MINDY2: variants seen among roughly 807,000 people sequenced by gnomAD.
MINDY2 encodes MINDY lysine 48 deubiquitinase 2, also known as ubiquitin carboxyl-terminal hydrolase MINDY-2.
A neutral mutation model predicts 68.2 loss-of-function variants in MINDY2; 52 were observed. The observed-to-expected ratio is 0.76, with a 90% CI of 0.61 to 0.96. MINDY2 has a LOEUF of 0.96. Among genes scored for constraint, MINDY2 ranks in the 40% least tolerant of loss-of-function variants. The pLI, the probability that MINDY2 is intolerant of heterozygous loss-of-function variation, is 0.00. For synonymous variants in MINDY2, 372 were observed against 303.0 expected, an observed-to-expected ratio of 1.23 and a Z score of -2.36; for missense variants, 881 against 773.4, an observed-to-expected ratio of 1.14 and a Z score of -1.65.
At chr15:58,815,122 T>C (rs937574180) in intron 4 of MINDY2, 14 of 152,178 alleles carry the variant, frequency 9.2e-5, no homozygotes, top group Non-Finnish European at 1.8e-4. Context: ...AATTTTTGTA[T>C]GTGGTTCGAG....
intron 4 of MINDY2, among the ~76,000 whole-genome samples, chr15:58,820,035 G>A (rs1186425121): frequency 6.6e-6 from 1 of 152,132 alleles, no homozygotes; most frequent in East Asian, 1.9e-4. Flanking sequence ...GGAGACTGAG[G>A]CAGGCAGAGT....
intron 6 of MINDY2, among the ~76,000 whole-genome samples, chr15:58,844,777 CGTG>C (rs1461822225): frequency 6.7e-6 from 1 of 149,828 alleles, no homozygotes; most frequent in Non-Finnish European, 1.5e-5. Flanking sequence ...ATTAGCCAGG[CGTG>C]GTGGTGTGCT....
intron 4 of MINDY2, among the ~76,000 whole-genome samples, chr15:58,812,509 T>C (rs1442468083): frequency 6.6e-6 from 1 of 151,720 alleles, no homozygotes; most frequent in African/African-American, 2.4e-5. Context: ...ATGGGAAAAT[T>C]TAGTAATTTT....
chr15:58,831,035 G>GTATATA (rs1230717668), intron 5 of MINDY2, among the ~76,000 whole-genome samples: 11 of 99,046 alleles, frequency 1.1e-4, no homozygotes, highest in African/African-American at 3.5e-4. Flanking sequence ...GTGTGTGTGT[G>GTATATA]TGTGTGTATA....
chr15:58,786,166 C>T (rs74021005), intron 1 of MINDY2, among the ~76,000 whole-genome samples: 3,995 of 152,184 alleles, frequency 0.026, 185 homozygotes, highest in African/African-American at 0.089. Flanking sequence ...ACTTATTTTA[C>T]TTGTTGATTA....
Position 58,837,968 on chromosome 15 carries a change from C to CAAA in MINDY2, c.1368+6072_1368+6074dup, listed in dbSNP as rs34909401. Among the ~76,000 whole-genome samples, 553 of 75,100 alleles carry CAAA rather than the reference C, an allele frequency of 7.4e-3. 2 individuals carry two copies. Among genetic ancestry groups the CAAA allele is most frequent in the African/African-American group, 0.011 (236 of 21,814 alleles). 49.3% of individuals were successfully genotyped at this position (75,100 alleles called of 152,430 possible). A position where few individuals can be genotyped will look rare whatever the true frequency, so the allele number is the denominator to read the frequency against. ...TGGATGACAGAGTAAGACCTTCTTT[C>CAAA]AAAAAAAAAAAAAAAAAAAAAAGGA... On this transcript the variant is annotated intron_variant, in intron 6 of 8. Transcript: ENST00000559228.
chr15:58,840,049 G>A (rs1038822984), intron 6 of MINDY2, among the ~76,000 whole-genome samples: 3 of 152,086 alleles, frequency 2.0e-5, no homozygotes, highest in Non-Finnish European at 4.4e-5. Flanking sequence ...GCCCAGCCTA[G>A]TCTCGAACTC....
chr15:58,843,288 T>A (rs1304723614), intron 6 of MINDY2, among the ~76,000 whole-genome samples: 5 of 152,064 alleles, frequency 3.3e-5, no homozygotes, highest in African/African-American at 1.2e-4. Flanking sequence ...TAGCTGAGAC[T>A]ACAGGCATGT....
At chr15:58,792,210 T>C (rs1334321179) in intron 2 of MINDY2, among the ~76,000 whole-genome samples, 17 of 152,256 alleles carry the variant, frequency 1.1e-4, no homozygotes, top group Non-Finnish European at 8.8e-5. Flanking sequence ...GAAAGCAGTT[T>C]GGCAATTCTT....
intron 1 of MINDY2, among the ~76,000 whole-genome samples, chr15:58,776,201 A>G (rs912372175): frequency 6.6e-6 from 1 of 152,162 alleles, no homozygotes. Flanking sequence ...ATGAGACTAA[A>G]TGAATTCTCC....
At chr15:58,808,001 C>T (rs1192666129) in intron 3 of MINDY2, among the ~76,000 whole-genome samples, 1 of 151,886 alleles carries the variant, frequency 6.6e-6, no homozygotes, top group Non-Finnish European at 1.5e-5. Flanking sequence ...CTTTCCTCTC[C>T]CATTTACACT....
At chr15:58,777,536 G>C (rs1900850591) in intron 1 of MINDY2, among the ~76,000 whole-genome samples, 1 of 152,142 alleles carries the variant, frequency 6.6e-6, no homozygotes, top group Non-Finnish European at 1.5e-5. Flanking sequence ...CACTTTGGGA[G>C]GCCGAGGCCA....
At chr15:58,853,948 A>C (rs1199172096) in intron 8 of MINDY2, among the ~76,000 whole-genome samples, 1 of 152,088 alleles carries the variant, frequency 6.6e-6, no homozygotes, top group Non-Finnish European at 1.5e-5. Context: ...TGTGTCTTCA[A>C]TTTGACTTTA....
chr15:58,810,504 A>G (rs2030161613), intron 4 of MINDY2, 116 bp downstream of exon 4: 4 of 1,007,870 alleles, frequency 4.0e-6, no homozygotes, highest in Non-Finnish European at 5.6e-6. Flanking sequence ...TTTGCCTGGA[A>G]TTAGCCAAAC....
intron 1 of MINDY2, among the ~76,000 whole-genome samples, chr15:58,777,962 CTTATT>C (rs1307232181): frequency 1.3e-5 from 2 of 151,894 alleles, no homozygotes; most frequent in Non-Finnish European, 2.9e-5. Flanking sequence ...TTTTAAAAAT[CTTATT>C]TTAGCTGTAA....
At chr15:58,850,399 G>A (rs1241031255) in intron 7 of MINDY2, among the ~76,000 whole-genome samples, 3 of 152,074 alleles carry the variant, frequency 2.0e-5, no homozygotes, top group African/African-American at 7.2e-5. Flanking sequence ...GTTTCACAGG[G>A]TTGGTTTGAA....
At chr15:58,796,505 T>C (rs1409647398) in intron 2 of MINDY2, among the ~76,000 whole-genome samples, 12 of 152,186 alleles carry the variant, frequency 7.9e-5, no homozygotes, top group African/African-American at 2.9e-4. Context: ...AATGGGATAA[T>C]AACAAGTTAA....
chr15:58,775,707 G>C (rs1900730175), intron 1 of MINDY2, among the ~76,000 whole-genome samples: 1 of 152,148 alleles, frequency 6.6e-6, no homozygotes, highest in African/African-American at 2.4e-5. Flanking sequence ...TCTTTCCAAA[G>C]ATAGGGAAGG....
rs139244151 is a variant in MINDY2, at chr15:58,785,385, G to C, written c.841-2521G>C. Among the ~76,000 whole-genome samples the C allele has an allele frequency of 5.9e-5, 9 of 152,218 alleles. No homozygotes were observed. In the South Asian group the frequency reaches 8.3e-4, roughly 14 times the overall value. On this transcript the variant is annotated intron_variant, in intron 1 of 8. Transcript: ENST00000559228. ...TAAAAAAAAAATCATCTAATGCAGA[G>C]ATCAGCAAACTTTTTCTGTAAAGGA... is the stretch of plus-strand genomic sequence containing the variant.
Sources: gnomAD v4.1 joint callset for allele counts (sites outside exome capture counted in the v4.1 genomes callset) on GRCh38, gnomAD v4.1.1 for gene constraint, MANE v1.5 for transcripts, NCBI Gene and HGNC (gene_info 2026-07-23, HGNC 2026-07-21) for gene names.